IGFBP7: variants seen among roughly 807,000 people sequenced by gnomAD.
IGFBP7 encodes insulin-like growth factor-binding protein 7.
IGFBP7 carries 31 observed loss-of-function variants against 29.4 expected under a neutral mutation model. That is an observed-to-expected ratio of 1.05 (90% CI 0.79 to 1.42). The LOEUF is 1.42. IGFBP7 is among the 40% of genes most tolerant of loss of function. The pLI, the probability that IGFBP7 is intolerant of heterozygous loss-of-function variation, is 0.00. For missense variants in IGFBP7, 393 were observed against 395.5 expected, an observed-to-expected ratio of 0.99 and a Z score of 0.05; for synonymous variants, 172 against 174.9, an observed-to-expected ratio of 0.98 and a Z score of 0.13.
intron 1 of IGFBP7, among the ~76,000 whole-genome samples, chr4:57,053,347 TC>T (rs10718580): frequency 0.24 from 35,815 of 151,832 alleles, 4,523 homozygotes; most frequent in East Asian, 0.33. Context: ...CTTGTCCCCT[TC>T]CTTGTATGGG....
At chr4:57,105,045 C>T (rs747242049) in intron 1 of IGFBP7, among the ~76,000 whole-genome samples, 1 of 152,200 alleles carries the variant, frequency 6.6e-6, no homozygotes, top group Non-Finnish European at 1.5e-5. Flanking sequence ...AAAATGGTTA[C>T]AGTCTAGTGG....
chr4:57,106,142 G>A (rs1249672836), intron 1 of IGFBP7, among the ~76,000 whole-genome samples: 1 of 152,076 alleles, frequency 6.6e-6, no homozygotes, highest in Non-Finnish European at 1.5e-5. Flanking sequence ...TCCTGATCTC[G>A]TGATCCGCCC....
chr4:57,088,292 C>G (rs1014795901), intron 1 of IGFBP7, among the ~76,000 whole-genome samples: 1 of 152,098 alleles, frequency 6.6e-6, no homozygotes, highest in South Asian at 2.1e-4. Context: ...GTGCTTTTTA[C>G]AGCACTATTG....
At chr4:57,080,248 G>A (rs1009525186) in intron 1 of IGFBP7, among the ~76,000 whole-genome samples, 36 of 152,154 alleles carry the variant, frequency 2.4e-4, no homozygotes, top group African/African-American at 8.0e-4. Context: ...AGTAAGAAAA[G>A]CAAGAAATGT....
At chr4:57,082,304 C>G (rs529136497) in intron 1 of IGFBP7, among the ~76,000 whole-genome samples, 20 of 152,276 alleles carry the variant, frequency 1.3e-4, no homozygotes, top group Admixed American at 1.2e-3. Flanking sequence ...AAAGGATGCT[C>G]TGTGATTTTC....
intron 1 of IGFBP7, among the ~76,000 whole-genome samples, chr4:57,066,672 TCCTGCCTTAG>T (rs1247874571): frequency 6.6e-6 from 1 of 152,008 alleles, no homozygotes; most frequent in African/African-American, 2.4e-5. Context: ...CAAGTGATTC[TCCTGCCTTAG>T]CCTCCCAAGT....
chr4:57,102,338 C>T (rs1179411998), intron 1 of IGFBP7, among the ~76,000 whole-genome samples: 1 of 152,138 alleles, frequency 6.6e-6, no homozygotes, highest in Non-Finnish European at 1.5e-5. Context: ...AATGCCTGCT[C>T]AGCTTAATCA....
At position 57,030,802 on chromosome 4, in the gene IGFBP7, A is replaced by G; in HGVS notation, c.*515T>C. On this transcript the variant is annotated 3_prime_UTR_variant, in exon 5 of 5. Coordinates refer to ENST00000295666, the MANE Select transcript of IGFBP7 (RefSeq NM_001553.3). Reference sequence around the variant, plus strand: ...TGTTCTCAGCTCCACTCATTTATTCATTATCTACAGTACCAGATCTTTGTC... The same window carrying G: ...TGTTCTCAGCTCCACTCATTTATTCGTTATCTACAGTACCAGATCTTTGTC... The G allele has an allele frequency of 1.4e-6, 1 of 721,226 alleles. No individual in the cohort carries two copies. Among genetic ancestry groups the G allele is most frequent in the Non-Finnish European group, 2.5e-6 (1 of 395,944 alleles). 44.7% of individuals were successfully genotyped at this position (721,226 alleles called of 1,614,324 possible).
At chr4:57,088,823 A>G (rs1725563122) in intron 1 of IGFBP7, among the ~76,000 whole-genome samples, 2 of 152,042 alleles carry the variant, frequency 1.3e-5, no homozygotes, top group Admixed American at 1.3e-4. Flanking sequence ...GGAGGTCAGG[A>G]GTTCGAGACC....
chr4:57,044,018 A>G (rs1223192330), intron 1 of IGFBP7, among the ~76,000 whole-genome samples: 3 of 152,204 alleles, frequency 2.0e-5, no homozygotes, highest in Non-Finnish European at 4.4e-5. Flanking sequence ...TTCAAAGCTC[A>G]GGGGATCTCA....
intron 1 of IGFBP7, among the ~76,000 whole-genome samples, chr4:57,089,588 A>G (rs901917811): frequency 1.2e-4 from 19 of 152,168 alleles, no homozygotes; most frequent in African/African-American, 4.6e-4. Context: ...GGTCTCTAAA[A>G]CACTAAGCTT....
intron 1 of IGFBP7, among the ~76,000 whole-genome samples, chr4:57,109,209 C>G (rs1412283641): frequency 6.6e-6 from 1 of 152,046 alleles, no homozygotes; most frequent in East Asian, 1.9e-4. Flanking sequence ...TACTTGAGCT[C>G]AGGAGTTCGA....
intron 1 of IGFBP7, among the ~76,000 whole-genome samples, chr4:57,066,903 A>C (rs1390723285): frequency 6.6e-6 from 1 of 152,024 alleles, no homozygotes; most frequent in Non-Finnish European, 1.5e-5. Flanking sequence ...GAATAATACA[A>C]CATCTTTGAA....
intron 1 of IGFBP7, among the ~76,000 whole-genome samples, chr4:57,076,754 C>A (rs961481978): frequency 2.6e-5 from 4 of 152,172 alleles, no homozygotes; most frequent in Non-Finnish European, 5.9e-5. Flanking sequence ...AGAGAATGAG[C>A]AGTCTTGATT....
chr4:57,057,951 G>A (rs1211261094), intron 1 of IGFBP7, among the ~76,000 whole-genome samples: 1 of 152,154 alleles, frequency 6.6e-6, no homozygotes, highest in Non-Finnish European at 1.5e-5. Flanking sequence ...ATAAGAACAA[G>A]ACTCTTGGGA....
chr4:57,087,145 C>T (rs1380331937), intron 1 of IGFBP7, among the ~76,000 whole-genome samples: 1 of 152,216 alleles, frequency 6.6e-6, no homozygotes, highest in Non-Finnish European at 1.5e-5. Flanking sequence ...TTCTGTGCCC[C>T]ACAGCACCAG....
intron 4 of IGFBP7, 46 bp from the exon 5 acceptor site, chr4:57,031,382 G>A (rs772694496): frequency 6.8e-7 from 1 of 1,471,726 alleles, no homozygotes; most frequent in East Asian, 2.3e-5. Context: ...ATATGGGGAT[G>A]TGGTTGACTT....
chr4:57,058,606 A>T (rs1724728354), intron 1 of IGFBP7, among the ~76,000 whole-genome samples: 2 of 152,224 alleles, frequency 1.3e-5, no homozygotes, highest in African/African-American at 4.8e-5. Context: ...CTCAAGATGG[A>T]TTAAAGATGT....
intron 1 of IGFBP7, among the ~76,000 whole-genome samples, chr4:57,080,368 G>A (rs1197090463): frequency 1.3e-5 from 2 of 152,236 alleles, no homozygotes; most frequent in South Asian, 4.1e-4. Context: ...CACATTGCCC[G>A]AGTGCTCCAG....
Sources: gnomAD v4.1 joint callset for allele counts (sites outside exome capture counted in the v4.1 genomes callset) on GRCh38, gnomAD v4.1.1 for gene constraint, MANE v1.5 for transcripts, NCBI Gene and HGNC (gene_info 2026-07-23, HGNC 2026-07-21) for gene names.